Variants in BCAS3 observed in about 807,000 individuals in gnomAD.
The protein encoded by BCAS3 is BCAS3 microtubule associated cell migration factor.
BCAS3 carries 53 observed loss-of-function variants against 116.1 expected under a neutral mutation model. The observed-to-expected ratio is 0.46, with a 90% CI of 0.37 to 0.57. The LOEUF is 0.57. BCAS3 is among the 20% of genes least tolerant of loss of function. BCAS3 has a pLI of 0.00. For synonymous variants in BCAS3, 391 were observed against 408.2 expected (o/e 0.96, Z 0.51); for missense variants, 917 against 1,165.4 (o/e 0.79, Z 3.10).
rs973456548 is a variant in BCAS3 at position 61,068,231 on chromosome 17, A to T, written c.2030-6689A>T. 1.4e-4 allele frequency among the ~76,000 whole-genome samples: 21 copies of T among 152,066 alleles called. No homozygotes were observed. The highest frequency in any genetic ancestry group is 1.2e-4 in the Non-Finnish European group (8 of 68,012). On this transcript the variant is annotated intron_variant, in intron 19 of 23. Coordinates refer to ENST00000407086, the MANE Select transcript of BCAS3 (RefSeq NM_017679.5). This position sits in a 1 kb window ranked among gnomAD's most constrained non-coding sequence, Gnocchi z 4.3. ...TGTAACTTTATTTTTCTTTAAATAA[A>T]CTCTATTAAGTTTTTTTTAGTACCT...
chr17:61,046,454 C>T (rs2068359754), intron 19 of BCAS3, among the ~76,000 whole-genome samples: 1 of 151,660 alleles, frequency 6.6e-6, no homozygotes, highest in Non-Finnish European at 1.5e-5. Context: ...CCAAAATCCA[C>T]AGATGCTCAA....
intron 3 of BCAS3, among the ~76,000 whole-genome samples, chr17:60,684,967 A>G (rs1429136148): frequency 1.3e-5 from 2 of 152,224 alleles, no homozygotes; most frequent in Admixed American, 1.3e-4. Context: ...AAGGAAAATT[A>G]AATTCAGTTG....
rs949699666 is a variant in BCAS3, at chr17:61,068,188, AC to A, written c.2030-6731del. On this transcript the variant is annotated intron_variant, in intron 19 of 23. Coordinates refer to ENST00000407086, the MANE Select transcript of BCAS3 (RefSeq NM_017679.5). This position sits in a 1 kb window ranked among gnomAD's most constrained non-coding sequence, Gnocchi z 4.3. ...GCTATTTTGTATCTTGGTCCATTGA[AC>A]TTGGATTTGCAAGATATGTAACTTT... Among the ~76,000 whole-genome samples, 2 of 152,160 alleles carry A rather than the reference AC, an allele frequency of 1.3e-5. No individual in the cohort carries two copies. Among genetic ancestry groups the A allele is most frequent in the African/African-American group, 4.8e-5 (2 of 41,438 alleles).
intron 13 of BCAS3, among the ~76,000 whole-genome samples, chr17:60,936,360 T>C (rs991502694): frequency 2.0e-5 from 3 of 151,882 alleles, no homozygotes. Flanking sequence ...TTATAATCCT[T>C]TGGGTATATA....
intron 22 of BCAS3, among the ~76,000 whole-genome samples, chr17:61,201,766 T>TC (rs1301663802): frequency 6.6e-6 from 1 of 151,818 alleles, no homozygotes; most frequent in East Asian, 1.9e-4. Context: ...TAACTTTTTT[T>TC]TTTTTTTTTT....
intron 18 of BCAS3, among the ~76,000 whole-genome samples, chr17:61,040,536 G>A (rs1352228649): frequency 6.6e-6 from 1 of 152,190 alleles, no homozygotes. Context: ...TGCCTATCCT[G>A]TTGGAGGGTC....
chr17:60,749,806 TA>T (rs762275222), intron 6 of BCAS3, among the ~76,000 whole-genome samples: 1 of 152,122 alleles, frequency 6.6e-6, no homozygotes, highest in Non-Finnish European at 1.5e-5. Context: ...CAATGACATA[TA>T]AAAAGAATTA....
chr17:61,089,507 C>CT (rs1273367956), intron 22 of BCAS3, among the ~76,000 whole-genome samples: 1 of 44,662 alleles, frequency 2.2e-5, no homozygotes, highest in Non-Finnish European at 4.4e-5. Context: ...CGGAGTTTCA[C>CT]TCTTTTTTTT....
chr17:60,846,145 G>T (rs948894590), intron 7 of BCAS3, among the ~76,000 whole-genome samples: 2 of 151,402 alleles, frequency 1.3e-5, no homozygotes, highest in Non-Finnish European at 2.9e-5. Context: ...GCACAGACTG[G>T]TCTCAAACTC....
chr17:61,230,493 C>T (rs1447281856), intron 22 of BCAS3, among the ~76,000 whole-genome samples: 1 of 152,048 alleles, frequency 6.6e-6, no homozygotes, highest in Non-Finnish European at 1.5e-5. Flanking sequence ...ATCTATTGTT[C>T]CCATGTTTAT....
intron 22 of BCAS3, among the ~76,000 whole-genome samples, chr17:61,298,554 G>A (rs759470614): frequency 6.6e-6 from 1 of 152,216 alleles, no homozygotes; most frequent in Non-Finnish European, 1.5e-5. Context: ...CTCCGTGTGA[G>A]TTGATCCTCT....
chr17:61,264,248 A>G (rs1156284371), intron 22 of BCAS3, among the ~76,000 whole-genome samples: 1 of 152,144 alleles, frequency 6.6e-6, no homozygotes, highest in Non-Finnish European at 1.5e-5. Flanking sequence ...ACTTCTAAGT[A>G]TGTAATCCAG....
At chr17:61,129,641 A>G (rs557354451) in intron 22 of BCAS3, among the ~76,000 whole-genome samples, 2 of 152,346 alleles carry the variant, frequency 1.3e-5, no homozygotes, top group African/African-American at 4.8e-5. Flanking sequence ...TGGCTCTGTA[A>G]ACATAGAAGG....
At chr17:60,946,681 A>T (rs577154864) in intron 13 of BCAS3, among the ~76,000 whole-genome samples, 52 of 152,238 alleles carry the variant, frequency 3.4e-4, no homozygotes, top group African/African-American at 1.2e-3. Context: ...AGGCCACAAC[A>T]GAAGGATTGC....
chr17:61,337,015 A>C lies in BCAS3; in HGVS notation c.2426-31312A>C, dbSNP rs2056774351. On this transcript the variant is annotated intron_variant, in intron 22 of 23. Coordinates refer to ENST00000407086, the MANE Select transcript of BCAS3 (RefSeq NM_017679.5). This position sits in a 1 kb window ranked among gnomAD's most constrained non-coding sequence, Gnocchi z 4.8. ...GTAATCCCAGCTACTCAGGAGGCTG[A>C]GGCAGGAGAATCACTTGAACCTGGG... is the stretch of plus-strand genomic sequence containing the variant. 6.6e-6 allele frequency among the ~76,000 whole-genome samples: 1 copy of C among 152,060 alleles called. No individual in the cohort carries two copies. Among genetic ancestry groups the C allele is most frequent in the Non-Finnish European group, 1.5e-5 (1 of 68,012 alleles).
intron 7 of BCAS3, among the ~76,000 whole-genome samples, chr17:60,820,081 T>C (rs2049800274): frequency 6.6e-6 from 1 of 151,916 alleles, no homozygotes; most frequent in Non-Finnish European, 1.5e-5. Flanking sequence ...TTCTTTTTTT[T>C]TTTTTCTGAG....
At chr17:61,336,859 T>G (rs1477395998) in intron 22 of BCAS3, among the ~76,000 whole-genome samples, 1 of 152,192 alleles carries the variant, frequency 6.6e-6, no homozygotes, top group Non-Finnish European at 1.5e-5. Context: ...ACACCTGTAA[T>G]CCCAGCACTT....
chr17:60,746,199 A>T (rs1001457152), intron 5 of BCAS3, among the ~76,000 whole-genome samples: 1 of 152,142 alleles, frequency 6.6e-6, no homozygotes, highest in Non-Finnish European at 1.5e-5. Context: ...ACACTAGGCA[A>T]TTATGAAAAT....
intron 6 of BCAS3, among the ~76,000 whole-genome samples, chr17:60,754,521 T>C (rs563240243): frequency 6.6e-6 from 1 of 152,256 alleles, no homozygotes. Flanking sequence ...ACAGGTGTAA[T>C]CCTCCGTGCC....
Sources: allele counts gnomAD v4.1 joint callset (sites outside exome capture counted in the v4.1 genomes callset), GRCh38; gene constraint gnomAD v4.1.1; non-coding constraint Gnocchi (gnomAD v3.1); transcripts MANE v1.5; gene names NCBI Gene and HGNC (gene_info 2026-07-23, HGNC 2026-07-21).